The following CADM2 variants were observed in gnomAD, a reference collection of about 807,000 sequenced individuals.
The protein encoded by CADM2 is cell adhesion molecule 2.
A neutral mutation model predicts 49.8 loss-of-function variants in CADM2; 12 were observed. The ratio of observed to expected loss-of-function variants is 0.24; its 90% CI spans 0.15 to 0.39. The LOEUF (loss-of-function observed/expected upper bound fraction) is 0.39, where lower values mean the gene tolerates loss of function less well. Ranked by LOEUF, CADM2 falls within the 10% of genes least tolerant of loss-of-function variation. CADM2 has a pLI of 1.00. For missense variants in CADM2, 378 were observed against 492.3 expected, an observed-to-expected ratio of 0.77 and a Z score of 2.20; for synonymous variants, 214 against 175.4, an observed-to-expected ratio of 1.22 and a Z score of -1.74.
intron 1 of CADM2, among the ~76,000 whole-genome samples, chr3:85,349,281 CT>C (rs2031094998): frequency 6.6e-6 from 1 of 152,140 alleles, no homozygotes; most frequent in South Asian, 2.1e-4. Flanking sequence ...ATGGAATTGT[CT>C]TTTTGCTTAA....
intron 2 of CADM2, among the ~76,000 whole-genome samples, chr3:85,740,228 T>C (rs2107822790): frequency 6.6e-6 from 1 of 152,326 alleles, no homozygotes; most frequent in East Asian, 1.9e-4. Flanking sequence ...CAGAGTGTAC[T>C]ATTGCTACTC....
chr3:86,049,691 G>A (rs1193563392), intron 8 of CADM2, among the ~76,000 whole-genome samples: 2 of 152,120 alleles, frequency 1.3e-5, no homozygotes, highest in Non-Finnish European at 2.9e-5. Flanking sequence ...TACAATCATA[G>A]CAGAAGGCAA....
intron 1 of CADM2, among the ~76,000 whole-genome samples, chr3:85,706,850 G>T (rs950127480): frequency 6.6e-6 from 1 of 151,946 alleles, no homozygotes; most frequent in Admixed American, 6.6e-5. Flanking sequence ...AAGAAAAAGG[G>T]GTTTTAATAA....
At chr3:85,806,676 A>G (rs568871253) in intron 3 of CADM2, among the ~76,000 whole-genome samples, 1 of 152,124 alleles carries the variant, frequency 6.6e-6, no homozygotes, top group Non-Finnish European at 1.5e-5. Flanking sequence ...CGGAGGTTGC[A>G]GTGAGCTGAG....
intron 8 of CADM2, among the ~76,000 whole-genome samples, chr3:85,997,591 G>C (rs1178974620): frequency 1.3e-5 from 2 of 152,202 alleles, no homozygotes; most frequent in East Asian, 3.9e-4. Flanking sequence ...ATTTAGTAAA[G>C]TGAATTTTTT....
At chr3:85,873,522 C>T (rs1711497697) in intron 3 of CADM2, among the ~76,000 whole-genome samples, 1 of 151,994 alleles carries the variant, frequency 6.6e-6, no homozygotes, top group African/African-American at 2.4e-5. Flanking sequence ...GAAAATTAGT[C>T]AGGCATGGTG....
At chr3:85,212,132 T>G (rs2041794231) in intron 1 of CADM2, among the ~76,000 whole-genome samples, 2 of 152,112 alleles carry the variant, frequency 1.3e-5, no homozygotes, top group South Asian at 4.1e-4. Flanking sequence ...ACATGGAAAT[T>G]TTTTTCTATC....
chr3:85,855,602 C>CATAT (rs10537642), intron 3 of CADM2, among the ~76,000 whole-genome samples: 68 of 129,356 alleles, frequency 5.3e-4, no homozygotes, highest in Non-Finnish European at 8.9e-4. Context: ...ATATATAAAA[C>CATAT]ATATATATAT....
At chr3:85,881,605 C>T (rs1028822960) in intron 3 of CADM2, among the ~76,000 whole-genome samples, 13 of 152,190 alleles carry the variant, frequency 8.5e-5, no homozygotes, top group Admixed American at 5.2e-4. Flanking sequence ...TTTTTAGGGA[C>T]TTTGTGCTGC....
intron 1 of CADM2, among the ~76,000 whole-genome samples, chr3:85,412,084 C>T (rs950830090): frequency 4.6e-5 from 7 of 152,034 alleles, no homozygotes; most frequent in African/African-American, 7.2e-5. Context: ...CACACTTTAG[C>T]GGACCAAAGT....
At chr3:85,808,667 G>A (rs2093186258) in intron 3 of CADM2, among the ~76,000 whole-genome samples, 1 of 152,082 alleles carries the variant, frequency 6.6e-6, no homozygotes, top group African/African-American at 2.4e-5. Flanking sequence ...ATATAAAAAT[G>A]TAAAATACAT....
intron 3 of CADM2, among the ~76,000 whole-genome samples, chr3:85,881,119 T>A (rs2108383603): frequency 6.6e-6 from 1 of 152,246 alleles, no homozygotes; most frequent in South Asian, 2.1e-4. Flanking sequence ...CTATTCAGAT[T>A]GGGTGAATTC....
At chr3:85,753,820 A>G (rs769254703) in intron 2 of CADM2, among the ~76,000 whole-genome samples, 2 of 152,196 alleles carry the variant, frequency 1.3e-5, no homozygotes, top group Non-Finnish European at 2.9e-5. Context: ...CAGAGAAGAA[A>G]GAATTCAAGG....
intron 5 of CADM2, among the ~76,000 whole-genome samples, chr3:85,888,602 C>CTATCTATG (rs1171081187): frequency 6.6e-6 from 1 of 152,132 alleles, no homozygotes; most frequent in Non-Finnish European, 1.5e-5. Context: ...ATCTATCTGT[C>CTATCTATG]TATCTATGTA....
intron 1 of CADM2, among the ~76,000 whole-genome samples, chr3:85,260,426 G>A (rs111252079): frequency 2.6e-5 from 4 of 152,040 alleles, no homozygotes; most frequent in African/African-American, 9.7e-5. Context: ...CTGTGTTTAG[G>A]ATATTTATTT....
intron 1 of CADM2, among the ~76,000 whole-genome samples, chr3:85,227,834 G>A (rs763149337): frequency 9.2e-5 from 14 of 152,048 alleles, no homozygotes; most frequent in African/African-American, 1.4e-4. Context: ...AGACCTGTTC[G>A]TGACAAAATC....
At chr3:85,940,716 A>G (rs554870264) in intron 7 of CADM2, among the ~76,000 whole-genome samples, 4 of 152,210 alleles carry the variant, frequency 2.6e-5, no homozygotes, top group African/African-American at 9.6e-5. Flanking sequence ...TTGAGGCACA[A>G]AATGTTTGGA....
At chr3:85,683,942 G>A (rs967310850) in intron 1 of CADM2, among the ~76,000 whole-genome samples, 2 of 152,118 alleles carry the variant, frequency 1.3e-5, no homozygotes, top group African/African-American at 4.8e-5. Flanking sequence ...ATGCCTCTGT[G>A]TGTGTTTATG....
intron 1 of CADM2, among the ~76,000 whole-genome samples, chr3:85,418,822 C>G (rs2053108): frequency 1.3e-5 from 2 of 151,882 alleles, no homozygotes; most frequent in Non-Finnish European, 2.9e-5. Context: ...AAAGCAGTTT[C>G]TTTTCTGATA....
Sources: gnomAD v4.1 joint callset for allele counts (sites outside exome capture counted in the v4.1 genomes callset) on GRCh38, gnomAD v4.1.1 for gene constraint, MANE v1.5 for transcripts, NCBI Gene and HGNC (gene_info 2026-07-23, HGNC 2026-07-21) for gene names.